The following DOCK3 variants were observed in gnomAD, a reference collection of about 807,000 sequenced individuals.
DOCK3 encodes the protein dedicator of cytokinesis protein 3.
DOCK3 carries 60 observed loss-of-function variants against 265.6 expected under a neutral mutation model. That is an observed-to-expected ratio of 0.23 (90% CI 0.18 to 0.28). DOCK3 has a LOEUF of 0.28. DOCK3 is among the 10% of genes least tolerant of loss of function. DOCK3 has a pLI of 1.00. For missense variants in DOCK3, 1,981 were observed against 2,594.3 expected, an observed-to-expected ratio of 0.76 and a Z score of 5.14; for synonymous variants, 881 against 938.0, an observed-to-expected ratio of 0.94 and a Z score of 1.11.
intron 23 of DOCK3, 31 bp from the exon 24 acceptor site, chr3:51,270,784 G>C (rs780847852): frequency 6.3e-7 from 1 of 1,596,964 alleles, no homozygotes; most frequent in East Asian, 2.2e-5. Context: ...CCCTAACTCT[G>C]TGCTAACCAC....
rs756421617 is a variant in DOCK3 at position 51,227,401 on chromosome 3, G to T, written c.1496G>T (p.Arg499Leu). 6.2e-7 allele frequency: 1 copy of T among 1,613,796 alleles called. No individual in the cohort carries two copies. The highest frequency in any genetic ancestry group is 1.1e-5 in the South Asian group (1 of 91,066). ...ATCAAATTGCCTATCCCCATTGACC[G>T]GTTCCGGGGCTCCCACCTGCGCTTT... ...EIIKLPIPID[R>L]FRGSHLRFEF... Residue 499 changes from arginine (R) to leucine (L), a missense_variant, in exon 16 of 53, where the codon CGG becomes CTG. Arg to Leu is a moderately radical substitution (Grantham distance 102). Transcript: ENST00000266037.
intron 1 of DOCK3, among the ~76,000 whole-genome samples, chr3:50,693,469 T>C (rs1008697223): frequency 1.8e-4 from 28 of 152,098 alleles, no homozygotes; most frequent in African/African-American, 6.7e-4. Context: ...ATTGTATTTC[T>C]TGATGCTAGT....
intron 1 of DOCK3, among the ~76,000 whole-genome samples, chr3:50,704,690 A>G (rs1190624075): frequency 1.3e-5 from 2 of 149,152 alleles, no homozygotes; most frequent in African/African-American, 2.5e-5. Flanking sequence ...CAGTGGCTCA[A>G]TCTCGGATCA....
chr3:51,054,121 TAAAAAAA>T (rs35733959), intron 5 of DOCK3, among the ~76,000 whole-genome samples: 1 of 85,012 alleles, frequency 1.2e-5, no homozygotes, highest in Non-Finnish European at 2.3e-5. Flanking sequence ...CGTAGCTTCC[TAAAAAAA>T]AAAAAAAAAA....
At chr3:51,251,929 G>C (rs1576546822) in intron 22 of DOCK3, among the ~76,000 whole-genome samples, 2 of 152,178 alleles carry the variant, frequency 1.3e-5, no homozygotes, top group East Asian at 3.9e-4. Flanking sequence ...GACATGAAGT[G>C]CTTGCCCATG....
At chr3:50,939,414 CAA>C (rs1421028724) in intron 5 of DOCK3, among the ~76,000 whole-genome samples, 1 of 151,898 alleles carries the variant, frequency 6.6e-6, no homozygotes, top group African/African-American at 2.4e-5. Flanking sequence ...CAAAATTAGA[CAA>C]AGACAGTACA....
chr3:51,181,244 C>T (rs1031585963), intron 12 of DOCK3, among the ~76,000 whole-genome samples: 4 of 151,170 alleles, frequency 2.6e-5, no homozygotes, highest in Admixed American at 2.0e-4. Context: ...CCTGTTAACT[C>T]GTCATTTATA....
At chr3:50,808,686 T>C (rs1270239091) in intron 2 of DOCK3, among the ~76,000 whole-genome samples, 3 of 152,238 alleles carry the variant, frequency 2.0e-5, no homozygotes, top group African/African-American at 7.2e-5. Flanking sequence ...GAAGCCATTC[T>C]CTTTCCCACA....
intron 38 of DOCK3, among the ~76,000 whole-genome samples, chr3:51,343,412 C>T (rs2085362141): frequency 6.6e-6 from 1 of 152,204 alleles, no homozygotes; most frequent in Admixed American, 6.5e-5. Flanking sequence ...AAATGTCCTC[C>T]AGTGGGATCA....
chr3:51,355,985 G>A, intron 41 of DOCK3, 104 bp from the exon 42 acceptor site: 2 of 1,456,708 alleles, frequency 1.4e-6, no homozygotes, highest in South Asian at 2.5e-5. Context: ...TGTCAGTAAG[G>A]AGCAGGGACT....
intron 2 of DOCK3, chr3:50,787,471 G>GT: frequency 2.2e-6 from 1 of 451,504 alleles, no homozygotes; most frequent in South Asian, 2.2e-5. Flanking sequence ...GGAGATGGAG[G>GT]TTGTGGTGAG....
intron 5 of DOCK3, among the ~76,000 whole-genome samples, chr3:51,034,889 T>G (rs781443963): frequency 2.0e-5 from 3 of 152,130 alleles, no homozygotes; most frequent in Non-Finnish European, 2.9e-5. Context: ...TCTAATACAT[T>G]AAATATGTTA....
At chr3:51,305,721 T>TGTGTGTGC (rs1262164543) in intron 27 of DOCK3, among the ~76,000 whole-genome samples, 1 of 48,930 alleles carries the variant, frequency 2.0e-5, no homozygotes, top group African/African-American at 8.0e-5. Flanking sequence ...TGTGTCTGTG[T>TGTGTGTGC]GTGTGTGTGT....
chr3:50,897,724 A>G (rs929650982), intron 4 of DOCK3, among the ~76,000 whole-genome samples: 3 of 143,356 alleles, frequency 2.1e-5, no homozygotes, highest in African/African-American at 7.9e-5. Context: ...TTCTGCATCT[A>G]TTGAGATAAT....
At chr3:51,053,111 ATATATAT>A (rs1308323812) in intron 5 of DOCK3, among the ~76,000 whole-genome samples, 1 of 122,294 alleles carries the variant, frequency 8.2e-6, no homozygotes, top group East Asian at 2.8e-4. Context: ...ATATATATAT[ATATATAT>A]ATATGGATTT....
At chr3:50,885,661 G>A (rs907621337) in intron 3 of DOCK3, among the ~76,000 whole-genome samples, 13 of 152,230 alleles carry the variant, frequency 8.5e-5, no homozygotes, top group South Asian at 4.1e-4. Flanking sequence ...CTGGTTAGGG[G>A]TGGAAGTCCA....
chr3:50,985,165 T>C (rs1018405079), intron 5 of DOCK3, among the ~76,000 whole-genome samples: 2 of 152,256 alleles, frequency 1.3e-5, no homozygotes, highest in Admixed American at 1.3e-4. Flanking sequence ...TCAGAATTTT[T>C]ACAAGCAATC....
chr3:51,216,498 G>A (rs1428497738), intron 14 of DOCK3, among the ~76,000 whole-genome samples: 1 of 152,204 alleles, frequency 6.6e-6, no homozygotes, highest in Non-Finnish European at 1.5e-5. Flanking sequence ...CTGTGAGCCT[G>A]CCTTTGAAGT....
chr3:51,274,147 A>T (rs554466805), intron 24 of DOCK3, among the ~76,000 whole-genome samples: 25 of 152,328 alleles, frequency 1.6e-4, no homozygotes, highest in African/African-American at 5.8e-4. Flanking sequence ...AAATCATTTG[A>T]AGTGTTCAGT....
Sources: allele counts gnomAD v4.1 joint callset (sites outside exome capture counted in the v4.1 genomes callset), GRCh38; gene constraint gnomAD v4.1.1; transcripts MANE v1.5; gene names NCBI Gene and HGNC (gene_info 2026-07-23, HGNC 2026-07-21).